Variants in UBA6 observed in about 807,000 individuals in gnomAD.
UBA6 encodes ubiquitin-like modifier-activating enzyme 6.
A neutral mutation model predicts 148.3 loss-of-function variants in UBA6; 87 were observed. The ratio of observed to expected loss-of-function variants is 0.59; its 90% confidence interval spans 0.49 to 0.70. The LOEUF is 0.70. Ranked by LOEUF, UBA6 falls within the 30% of genes least tolerant of loss-of-function variation. UBA6 has a pLI of 0.00. For missense variants in UBA6, 1,186 were observed against 1,241.2 expected (o/e 0.96, Z 0.67); for synonymous variants, 376 against 401.0 (o/e 0.94, Z 0.75).
intron 1 of UBA6, among the ~76,000 whole-genome samples, chr4:67,697,047 C>T (rs1303727044): frequency 2.0e-5 from 3 of 151,920 alleles, no homozygotes; most frequent in South Asian, 2.1e-4. Context: ...ACTCTGTTAC[C>T]GAGACTGGAG....
intron 13 of UBA6, among the ~76,000 whole-genome samples, chr4:67,659,638 A>AAAATATATG (rs1729797441): frequency 2.3e-5 from 1 of 43,042 alleles, no homozygotes; most frequent in Admixed American, 2.1e-4. Context: ...TAAAATACAT[A>AAAATATATG]TATTTTATAT....
chr4:67,633,393 C>T lies in UBA6; in HGVS notation c.2094G>A (p.Gln698=). The T allele has an allele frequency of 6.2e-7, 1 of 1,610,762 alleles. No individual in the cohort carries two copies. The highest frequency in any genetic ancestry group is 1.1e-5 in the South Asian group (1 of 90,706). The change falls in exon 23 of 33, where the codon CAG becomes CAA. Residue 698 remains glutamine, a synonymous_variant. Coordinates refer to ENST00000322244, the MANE Select transcript of UBA6 (RefSeq NM_018227.6). Reference sequence around the variant, plus strand: ...ACTTTAATCTTGCTAATTCTACACACTGGGACCAATTTCTAGGTCTTCTGC... The same window carrying T: ...ACTTTAATCTTGCTAATTCTACACATTGGGACCAATTTCTAGGTCTTCTGC... The part of the protein sequence containing the change: ...LLSRRPRNWS[Q]CVELARLKFE...
At chr4:67,662,441 A>C in intron 12 of UBA6, 186 bp from the exon 13 acceptor site, 2 of 499,754 alleles carry the variant, frequency 4.0e-6, no homozygotes, top group Non-Finnish European at 7.0e-6. Context: ...AATCACACTT[A>C]TATCAGTATA....
chr4:67,657,963 A>G (rs1729743780), intron 13 of UBA6, among the ~76,000 whole-genome samples: 1 of 152,240 alleles, frequency 6.6e-6, no homozygotes, highest in Non-Finnish European at 1.5e-5. Context: ...ATCACTGGTC[A>G]TCAGAGACAT....
chr4:67,680,052 C>T (rs192411879), intron 4 of UBA6, among the ~76,000 whole-genome samples: 2 of 152,048 alleles, frequency 1.3e-5, no homozygotes, highest in African/African-American at 4.8e-5. Context: ...GTCAATACTA[C>T]GAAATGATGA....
chr4:67,681,587 C>A lies in UBA6; in HGVS notation c.234G>T (p.Lys78Asn). The A allele has an allele frequency of 6.3e-7, 1 of 1,580,048 alleles. No homozygotes were observed. The highest frequency in any genetic ancestry group is 8.6e-7 in the Non-Finnish European group (1 of 1,168,568). ...GMGGLGLEIAKNLVLAGIKAV... is the reference protein window; with the variant it reads ...GMGGLGLEIANNLVLAGIKAV... ...CCTTAATCCCTGCAAGAACAAGATTCTTTGCTAGAAAGGCAAAAGAAAAAG... is the reference window on the plus strand; with the variant it reads ...CCTTAATCCCTGCAAGAACAAGATTATTTGCTAGAAAGGCAAAAGAAAAAG... The change falls in exon 4 of 33, where the codon AAG (lysine) becomes AAT (asparagine). Residue 78 changes from lysine to asparagine, a missense_variant. Lys to Asn is a moderately conservative substitution (Grantham distance 94). Coordinates refer to ENST00000322244, the MANE Select transcript of UBA6 (RefSeq NM_018227.6).
chr4:67,641,616 T>C (rs1729308695), intron 17 of UBA6, among the ~76,000 whole-genome samples: 1 of 151,942 alleles, frequency 6.6e-6, no homozygotes, highest in African/African-American at 2.4e-5. Flanking sequence ...CTTATATGTA[T>C]CAATTTGAAA....
Position 67,644,769 on chromosome 4 carries a change from C to T in UBA6, c.1405G>A (p.Gly469Arg). 6.2e-7 allele frequency: 1 copy of T among 1,600,440 alleles called. No individual in the cohort carries two copies. The highest frequency in any genetic ancestry group is 8.6e-7 in the Non-Finnish European group (1 of 1,167,980). ...TTCAACATTTCACAGCCTATGGCTC[C>T]ACACCCTACCTATGGAGGAGAAAAA... ...QNLNIFLVGC[G>R]AIGCEMLKNF... Residue 469 changes from glycine to arginine, a missense_variant, in exon 17 of 33, where the codon GGA becomes AGA. Gly to Arg is a moderately radical substitution (Grantham distance 125). Coordinates refer to ENST00000322244, the MANE Select transcript of UBA6 (RefSeq NM_018227.6).
intron 20 of UBA6, 146 bp from the exon 21 acceptor site, chr4:67,634,664 G>T: frequency 1.9e-6 from 1 of 529,508 alleles, no homozygotes. Context: ...CTCTCTCTTA[G>T]GCAATAAGAG....
chr4:67,701,153 G>C lies in UBA6; in HGVS notation c.-34C>G. ...GAGACACCGCCGCCGGCTACTGGAA[G>C]GTAGGAAGGGGCGGGACCGTGGGGG... is the stretch of plus-strand genomic sequence containing the variant. On this transcript the variant is annotated 5_prime_UTR_variant, in exon 1 of 33. Coordinates refer to ENST00000322244, the MANE Select transcript of UBA6 (RefSeq NM_018227.6). 6.2e-7 allele frequency: 1 copy of C among 1,606,162 alleles called. No individual in the cohort carries two copies. Among genetic ancestry groups the C allele is most frequent in the Non-Finnish European group, 8.5e-7 (1 of 1,178,672 alleles).
rs574543235 is a variant in UBA6 at position 67,614,625 on chromosome 4, C to T, written c.*4372G>A. On this transcript the variant is annotated 3_prime_UTR_variant, in exon 33 of 33. Coordinates refer to ENST00000322244, the MANE Select transcript of UBA6 (RefSeq NM_018227.6). ...AGGCAAAACTAAAGCTTTAAGAAGACGATATATAAGACTATCTTCATGACT... is the reference window on the plus strand; with the variant it reads ...AGGCAAAACTAAAGCTTTAAGAAGATGATATATAAGACTATCTTCATGACT... 3.1e-4 allele frequency: 47 copies of T among 152,176 alleles called. No homozygotes were observed. Among genetic ancestry groups the T allele is most frequent in the African/African-American group, 1.1e-3 (47 of 41,546 alleles). 9.4% of individuals were successfully genotyped at this position (152,176 alleles called of 1,614,324 possible).
intron 6 of UBA6, among the ~76,000 whole-genome samples, chr4:67,676,937 T>C (rs1397489076): frequency 6.6e-6 from 1 of 152,192 alleles, no homozygotes; most frequent in Non-Finnish European, 1.5e-5. Flanking sequence ...TAGTCACTTT[T>C]ACAATATCCA....
At chr4:67,662,438 CTT>C (rs1729883924) in intron 12 of UBA6, 183 bp from the exon 13 acceptor site, 3 of 495,760 alleles carry the variant, frequency 6.1e-6, no homozygotes, top group South Asian at 8.0e-5. Flanking sequence ...CAAAATCACA[CTT>C]ATATCAGTAT....
intron 2 of UBA6, 63 bp downstream of exon 2, chr4:67,696,582 C>A: frequency 1.5e-6 from 2 of 1,309,158 alleles, no homozygotes; most frequent in South Asian, 1.3e-5. Flanking sequence ...TTCAAAGAGA[C>A]TACTTGATTA....
intron 9 of UBA6, among the ~76,000 whole-genome samples, chr4:67,667,106 T>C (rs536241225): frequency 1.3e-5 from 2 of 152,164 alleles, no homozygotes; most frequent in Non-Finnish European, 2.9e-5. Flanking sequence ...CTCCTCTTTA[T>C]ACAAGCAGCC....
intron 13 of UBA6, among the ~76,000 whole-genome samples, chr4:67,655,045 A>G (rs554169566): frequency 6.6e-6 from 1 of 152,312 alleles, no homozygotes; most frequent in South Asian, 2.1e-4. Flanking sequence ...TCATAAAGCA[A>G]GTCCGTAGAG....
intron 6 of UBA6, among the ~76,000 whole-genome samples, chr4:67,674,972 C>T (rs1428151042): frequency 2.0e-5 from 3 of 152,130 alleles, no homozygotes; most frequent in Admixed American, 6.5e-5. Flanking sequence ...CAGGTTCAAG[C>T]GATTCTCCTG....
intron 13 of UBA6, among the ~76,000 whole-genome samples, chr4:67,657,655 CAA>C (rs2109928184): frequency 6.6e-6 from 1 of 151,998 alleles, no homozygotes; most frequent in African/African-American, 2.4e-5. Flanking sequence ...GCAATGGCAA[CAA>C]AAGCCAAAAT....
Position 67,629,045 on chromosome 4 carries a change from CTGAA to C in UBA6, c.2400+22_2400+25del, listed in dbSNP as rs767486780. ...CAAGTCCAAATTCCCAAACTATTTG[CTGAA>C]TGAATGATTTTTTAAACATACCTTA... On this transcript the variant is annotated intron_variant, in intron 27 of 32. Coordinates refer to ENST00000322244, the MANE Select transcript of UBA6 (RefSeq NM_018227.6). The C allele has an allele frequency of 3.4e-5, 52 of 1,514,236 alleles. No homozygotes were observed. The South Asian group carries it at 3.9e-4, about 11-fold the overall frequency. The allele number at this position is 1,514,236 out of a possible 1,614,324, so 93.8% of individuals were successfully genotyped here. A position where few individuals can be genotyped will look rare whatever the true frequency, so the allele number is the denominator to read the frequency against.
Sources: allele counts gnomAD v4.1 joint callset (sites outside exome capture counted in the v4.1 genomes callset), GRCh38; gene constraint gnomAD v4.1.1; transcripts MANE v1.5; gene names NCBI Gene and HGNC (gene_info 2026-07-23, HGNC 2026-07-21).